IQGAP2: variants seen among roughly 807,000 people sequenced by gnomAD.
The protein encoded by IQGAP2 is ras GTPase-activating-like protein IQGAP2.
A neutral mutation model predicts 201.3 loss-of-function variants in IQGAP2; 173 were observed. The ratio of observed to expected loss-of-function variants is 0.86; its 90% CI spans 0.76 to 0.98. IQGAP2 has a LOEUF of 0.98. Among genes scored for constraint, IQGAP2 ranks in the 50% least tolerant of loss-of-function variants. The pLI is 0.00. For synonymous variants in IQGAP2, 675 were observed against 673.9 expected (o/e 1.00, Z -0.03); for missense variants, 1,687 against 1,864.8 (o/e 0.90, Z 1.76).
chr5:76,658,338 C>T (rs558342698), intron 20 of IQGAP2, 121 bp from the exon 21 acceptor site: 2 of 816,806 alleles, frequency 2.4e-6, no homozygotes, highest in South Asian at 3.1e-5. Flanking sequence ...ATGATTCTCA[C>T]CCTAGACCAA....
At chr5:76,447,419 T>C (rs1050830963) in intron 1 of IQGAP2, among the ~76,000 whole-genome samples, 4 of 152,142 alleles carry the variant, frequency 2.6e-5, no homozygotes, top group African/African-American at 9.7e-5. Flanking sequence ...GGCAACCCCC[T>C]TTGGGTCCCC....
chr5:76,473,743 C>T (rs6859984), intron 2 of IQGAP2, among the ~76,000 whole-genome samples: 102,433 of 152,072 alleles, frequency 0.67, 35,243 homozygotes, highest in Middle Eastern at 0.81. Context: ...GCCTCCATAC[C>T]ACCTTCAATT....
At chr5:76,617,784 A>G (rs1296042756) in intron 13 of IQGAP2, 2 of 1,613,600 alleles carry the variant, frequency 1.2e-6, no homozygotes, top group Non-Finnish European at 1.7e-6. Flanking sequence ...GGTAAAAATC[A>G]CAAGGATGAG....
At chr5:76,451,385 A>G (rs144695217) in intron 1 of IQGAP2, among the ~76,000 whole-genome samples, 68 of 152,106 alleles carry the variant, frequency 4.5e-4, no homozygotes, top group African/African-American at 1.6e-3. Context: ...CCTTCTCGTC[A>G]CTGTCCAGGT....
chr5:76,484,971 G>C (rs1580293562), intron 2 of IQGAP2, among the ~76,000 whole-genome samples: 1 of 152,220 alleles, frequency 6.6e-6, no homozygotes, highest in East Asian at 1.9e-4. Context: ...TGGGACTACA[G>C]GTGTATGCCA....
chr5:76,618,150 C>T, intron 13 of IQGAP2: 1 of 1,614,118 alleles, frequency 6.2e-7, no homozygotes, highest in Non-Finnish European at 8.5e-7. Flanking sequence ...GATGCTGATG[C>T]AGGCAAGGAG....
At chr5:76,617,347 C>T (rs947790955) in intron 13 of IQGAP2, 2 of 402,054 alleles carry the variant, frequency 5.0e-6, no homozygotes, top group African/African-American at 4.0e-5. Flanking sequence ...GGAGGCTGAC[C>T]TGGGAGGCAG....
In IQGAP2 at chr5:76,695,678, C is replaced by A. The variant is rs1484314307; in HGVS notation, c.4206+12C>A. 4 of 1,604,720 alleles carry A rather than the reference C, an allele frequency of 2.5e-6. No homozygotes were observed. In the African/African-American group the frequency reaches 4.0e-5, roughly 16 times the overall value. On this transcript the variant is annotated intron_variant, in intron 32 of 35. Coordinates refer to ENST00000274364, the MANE Select transcript of IQGAP2 (RefSeq NM_006633.5). ...ATGAGATTGCCAAGGTTTTTGGAAA[C>A]AGTATTCTTTCTTCCTTCACTTAGC...
chr5:76,451,668 C>T (rs771641665), intron 1 of IQGAP2, among the ~76,000 whole-genome samples: 4 of 152,190 alleles, frequency 2.6e-5, no homozygotes, highest in Non-Finnish European at 4.4e-5. Context: ...GCATGAAAGT[C>T]ATCCTTTGCA....
intron 1 of IQGAP2, among the ~76,000 whole-genome samples, chr5:76,417,350 C>T (rs1279570887): frequency 5.9e-5 from 9 of 152,122 alleles, no homozygotes; most frequent in Admixed American, 2.6e-4. Flanking sequence ...AGTACAGTGG[C>T]GGGATCTCTG....
chr5:76,530,099 G>C (rs1759208422), intron 2 of IQGAP2, among the ~76,000 whole-genome samples: 1 of 152,210 alleles, frequency 6.6e-6, no homozygotes, highest in Non-Finnish European at 1.5e-5. Flanking sequence ...TTTGTGGGCT[G>C]TGTGGACTCT....
intron 20 of IQGAP2, among the ~76,000 whole-genome samples, chr5:76,656,456 C>T (rs912397190): frequency 4.0e-5 from 6 of 151,610 alleles, no homozygotes; most frequent in African/African-American, 1.5e-4. Context: ...GCTGGGATTA[C>T]AGGCATGAGC....
intron 34 of IQGAP2, 22 bp from the exon 35 acceptor site, chr5:76,702,460 A>G (rs1164358879): frequency 1.4e-5 from 15 of 1,089,186 alleles, no homozygotes; most frequent in Non-Finnish European, 2.0e-5. Context: ...TTTCTCATGT[A>G]TGAATGTTCC....
At chr5:76,607,641 T>C (rs915991388) in intron 12 of IQGAP2, 1 of 152,222 alleles carries the variant, frequency 6.6e-6, no homozygotes, top group African/African-American at 2.4e-5. Context: ...TTGCCAGACG[T>C]TAGTCAAGAC....
intron 22 of IQGAP2, among the ~76,000 whole-genome samples, chr5:76,666,140 T>C (rs1267117692): frequency 6.6e-6 from 1 of 152,250 alleles, no homozygotes; most frequent in African/African-American, 2.4e-5. Flanking sequence ...TTGAAAATTC[T>C]CTACTTGGAA....
chr5:76,485,766 G>A (rs1756091737), intron 2 of IQGAP2, among the ~76,000 whole-genome samples: 1 of 152,200 alleles, frequency 6.6e-6, no homozygotes, highest in Non-Finnish European at 1.5e-5. Context: ...CCCAGGTGTG[G>A]CTCTAGGGAG....
intron 2 of IQGAP2, among the ~76,000 whole-genome samples, chr5:76,472,966 G>A (rs974482566): frequency 2.0e-5 from 3 of 152,150 alleles, no homozygotes; most frequent in Non-Finnish European, 2.9e-5. Flanking sequence ...ACATGGTCTC[G>A]ATTCTCACAA....
rs79164324 is a variant in IQGAP2, at chr5:76,468,535, G to A, written c.146+6866G>A. On this transcript the variant is annotated intron_variant, in intron 2 of 35. Transcript: ENST00000274364. ...CTCTCTATCCCACCACTGCTAGCCC[G>A]CCAAAGGATTCCAGCATCTCTTGTG... Among the ~76,000 whole-genome samples the A allele has an allele frequency of 5.3e-3, 807 of 152,204 alleles. 6 individuals are homozygous for A. The highest frequency in any genetic ancestry group is 0.019 in the African/African-American group (776 of 41,528).
intron 1 of IQGAP2, among the ~76,000 whole-genome samples, chr5:76,456,837 T>C (rs1754112223): frequency 1.3e-5 from 2 of 152,128 alleles, no homozygotes; most frequent in African/African-American, 4.8e-5. Flanking sequence ...TCCCAGCACT[T>C]TGGGAGGCGT....
Sources: allele counts gnomAD v4.1 joint callset (sites outside exome capture counted in the v4.1 genomes callset), GRCh38; gene constraint gnomAD v4.1.1; transcripts MANE v1.5; gene names NCBI Gene and HGNC (gene_info 2026-07-23, HGNC 2026-07-21).